The following STAG2 variants were observed in gnomAD, a reference collection of about 807,000 sequenced individuals.
The protein encoded by STAG2 is cohesin subunit SA-2.
STAG2 carries 14 observed loss-of-function variants against 108.1 expected under a neutral mutation model. The observed-to-expected ratio is 0.13, with a 90% CI of 0.09 to 0.20. The LOEUF is 0.20. Ranked by LOEUF, STAG2 falls within the 10% of genes least tolerant of loss-of-function variation. STAG2 has a pLI of 1.00. For synonymous variants in STAG2, 307 were observed against 302.7 expected, an observed-to-expected ratio of 1.01 and a Z score of -0.15; for missense variants, 440 against 940.9, an observed-to-expected ratio of 0.47 and a Z score of 6.96.
At chrX:124,050,038 C>T (rs2057989204) in intron 10 of STAG2, 148 bp from the exon 11 acceptor site, 3 of 642,472 alleles carry the variant, frequency 4.7e-6, no homozygotes, top group Non-Finnish European at 4.5e-6. Flanking sequence ...GCATTCAGGC[C>T]CATGCTTCAT....
chrX:124,061,961 C>T, intron 17 of STAG2, 87 bp downstream of exon 17: 1 of 742,996 alleles, frequency 1.3e-6, no homozygotes, highest in Non-Finnish European at 1.9e-6. Flanking sequence ...AGCCATGAAA[C>T]AATTTTGTTT....
At chrX:124,098,030 GT>G (rs1476968340) in intron 34 of STAG2, among the ~76,000 whole-genome samples, 4 of 108,701 alleles carry the variant, frequency 3.7e-5, no homozygotes, top group Non-Finnish European at 5.7e-5. Flanking sequence ...GCAAAAAGGT[GT>G]TCTTCAGATT....
intron 26 of STAG2, among the ~76,000 whole-genome samples, chrX:124,077,402 CTTAAA>C (rs2058828388): frequency 9.0e-6 from 1 of 110,967 alleles, no homozygotes; most frequent in Non-Finnish European, 1.9e-5. Context: ...GAAACACAAT[CTTAAA>C]TTAGGAAAAA....
chrX:124,053,944 CAT>C (rs1395088996), intron 13 of STAG2, among the ~76,000 whole-genome samples: 16 of 112,083 alleles, frequency 1.4e-4, no homozygotes, highest in African/African-American at 4.9e-4. Context: ...TGAATTTAAA[CAT>C]ATGAAAAGAT....
chrX:123,986,765 A>G lies in STAG2; in HGVS notation c.-163+24909A>G, dbSNP rs2055205608. On this transcript the variant is annotated intron_variant, in intron 1 of 34. Coordinates refer to ENST00000371145, the MANE Select transcript of STAG2 (RefSeq NM_001042750.2). The stretch of plus-strand genomic sequence containing the variant: ...CAACTAAGATGAAAAAACGTTTTGG[A>G]AAGCATTTGACCAAAGGTTTTATAT... Among the ~76,000 whole-genome samples, 3 of 112,011 alleles carry G rather than the reference A, an allele frequency of 2.7e-5. No individual in the cohort carries two copies. The South Asian group carries it at 1.1e-3, about 41-fold the overall frequency.
At chrX:124,023,314 C>G (rs1173007977) in intron 3 of STAG2, among the ~76,000 whole-genome samples, 1 of 110,996 alleles carries the variant, frequency 9.0e-6, no homozygotes, top group Non-Finnish European at 1.9e-5. Context: ...CCCACCCCCA[C>G]CACTGTATTT....
intron 16 of STAG2, 49 bp from the exon 17 acceptor site, chrX:124,061,722 A>G: frequency 1.0e-6 from 1 of 998,006 alleles, no homozygotes; most frequent in South Asian, 2.5e-5. Flanking sequence ...TAGGGAGAAG[A>G]AATAAGCTAA....
At chrX:124,051,890 G>A (rs942345555) in intron 13 of STAG2, among the ~76,000 whole-genome samples, 4 of 112,339 alleles carry the variant, frequency 3.6e-5, no homozygotes, top group African/African-American at 1.3e-4. Context: ...GCGCCTGACC[G>A]AATATGGAAA....
At chrX:124,002,809 TTTC>T (rs1348124106) in intron 1 of STAG2, among the ~76,000 whole-genome samples, 2 of 103,029 alleles carry the variant, frequency 1.9e-5, no homozygotes, top group African/African-American at 7.3e-5. Flanking sequence ...TCTTTCTTTC[TTTC>T]TTTTTTTTTT....
chrX:123,962,794 C>G (rs2053927972), intron 1 of STAG2, among the ~76,000 whole-genome samples: 1 of 111,393 alleles, frequency 9.0e-6, no homozygotes, highest in Non-Finnish European at 1.9e-5. Flanking sequence ...CCACCCCCTT[C>G]TCCCACCATA....
chrX:124,009,421 AGGTAGGTAGG>A (rs2147903118), intron 1 of STAG2, among the ~76,000 whole-genome samples: 1 of 82,890 alleles, frequency 1.2e-5, no homozygotes, highest in African/African-American at 3.9e-5. Context: ...GTAGGTAGGT[AGGTAGGTAGG>A]TAGGTAGGTA....
chrX:124,022,263 C>T (rs1224411168), intron 2 of STAG2, among the ~76,000 whole-genome samples: 7 of 109,220 alleles, frequency 6.4e-5, no homozygotes, highest in Non-Finnish European at 7.6e-5. Context: ...CTCAGCTACT[C>T]GGGAGGCTGA....
At chrX:124,006,784 T>C (rs192942193) in intron 1 of STAG2, among the ~76,000 whole-genome samples, 3 of 111,342 alleles carry the variant, frequency 2.7e-5, no homozygotes, top group African/African-American at 3.3e-5. Flanking sequence ...TGTAGTGATA[T>C]CATGTTGTGG....
chrX:124,058,940 A>G (rs2058298090), intron 15 of STAG2, among the ~76,000 whole-genome samples: 1 of 112,202 alleles, frequency 8.9e-6, no homozygotes, highest in Non-Finnish European at 1.9e-5. Context: ...GGTCATTTGT[A>G]AATAAAGATA....
intron 1 of STAG2, among the ~76,000 whole-genome samples, chrX:124,002,017 A>C (rs2056066935): frequency 8.9e-6 from 1 of 111,957 alleles, no homozygotes; most frequent in African/African-American, 3.2e-5. Flanking sequence ...TGAGGCTAGG[A>C]GTTTGAGTCA....
At chrX:124,085,954 A>G (rs1429717992) in intron 29 of STAG2, among the ~76,000 whole-genome samples, 1 of 111,188 alleles carries the variant, frequency 9.0e-6, no homozygotes, top group Non-Finnish European at 1.9e-5. Flanking sequence ...TAATTGACAA[A>G]TAGTTGTCTT....
rs752096694 is a variant in STAG2 at position 124,100,555 on chromosome X, C to CCT, written c.3784-7_3784-6dup. 1.2e-4 allele frequency: 138 copies of CCT among 1,164,497 alleles called. No individual in the cohort carries two copies. The African/African-American group carries it at 1.9e-3, about 16-fold the overall frequency. On this transcript the variant is annotated intron_variant, in intron 34 of 34. Coordinates refer to ENST00000371145, the MANE Select transcript of STAG2 (RefSeq NM_001042750.2). ...AATGACTTTTAACGAGATTTTCTCC[C>CCT]CTCTCTCTCTCTCATTAGGTTCTTG...
intron 1 of STAG2, among the ~76,000 whole-genome samples, chrX:124,009,435 G>GATAGATAGATAGA (rs1569501942): frequency 1.9e-3 from 136 of 71,182 alleles, no homozygotes; most frequent in Middle Eastern, 6.7e-3. Flanking sequence ...AGGTAGGTAG[G>GATAGATAGATAGA]TAGGTAGGTA....
At chrX:124,058,320 G>T (rs770776062) in intron 15 of STAG2, among the ~76,000 whole-genome samples, 1 of 110,515 alleles carries the variant, frequency 9.0e-6, no homozygotes, top group Non-Finnish European at 1.9e-5. Context: ...ACCACGCCCA[G>T]CTAATTTTTA....
Sources: allele counts gnomAD v4.1 joint callset (sites outside exome capture counted in the v4.1 genomes callset), GRCh38; gene constraint gnomAD v4.1.1; transcripts MANE v1.5; gene names NCBI Gene and HGNC (gene_info 2026-07-23, HGNC 2026-07-21).